Variants in RTL4 observed in about 807,000 individuals in gnomAD.
RTL4 encodes the protein retrotransposon Gag-like protein 4.
In RTL4, 4 loss-of-function variants were observed where a neutral mutation model predicts 5.3. The ratio of observed to expected loss-of-function variants is 0.75; its 90% CI spans 0.37 to 1.72. RTL4 has a LOEUF of 1.72. Ranked by LOEUF, RTL4 falls within the 40% of genes most tolerant of loss-of-function variation. RTL4 has a pLI of 0.04. For synonymous variants in RTL4, 98 were observed against 87.3 expected, an observed-to-expected ratio of 1.12 and a Z score of -0.68; for missense variants, 260 against 227.1, an observed-to-expected ratio of 1.14 and a Z score of -0.93.
At chrX:112,301,222 C>T in the RTL4 span, among the ~76,000 whole-genome samples, 1 of 111,624 alleles carries the variant, frequency 9.0e-6, no homozygotes, top group Admixed American at 9.5e-5. Context: ...AGAGGATGTG[C>T]CCTGTAATCT....
At chrX:112,350,353 TG>T in the RTL4 span, among the ~76,000 whole-genome samples, 1 of 108,601 alleles carries the variant, frequency 9.2e-6, no homozygotes, top group Non-Finnish European at 1.9e-5. Flanking sequence ...TGCCAGGCTT[TG>T]GTATCAGGAT....
the RTL4 span, among the ~76,000 whole-genome samples, chrX:112,312,825 A>C: frequency 9.0e-6 from 1 of 110,817 alleles, no homozygotes; most frequent in African/African-American, 3.3e-5. Flanking sequence ...TGTCTCCCCA[A>C]ACCTTTCTCA....
chrX:112,386,210 G>A, the RTL4 span, among the ~76,000 whole-genome samples: 7 of 111,596 alleles, frequency 6.3e-5, no homozygotes, highest in African/African-American at 9.8e-5. Context: ...GGTAAATGGC[G>A]TGTCCATTAC....
At chrX:112,119,010 ATT>A in the RTL4 span, among the ~76,000 whole-genome samples, 10,755 of 91,715 alleles carry the variant, frequency 0.12, 869 homozygotes, top group African/African-American at 0.28. Context: ...CACCCAGCTA[ATT>A]TTTTTTTTTT....
At chrX:112,116,075 G>T in the RTL4 span, among the ~76,000 whole-genome samples, 2 of 112,144 alleles carry the variant, frequency 1.8e-5, no homozygotes, top group African/African-American at 6.5e-5. Flanking sequence ...AGAGTCAGGG[G>T]TTGTTAGAGA....
the RTL4 span, among the ~76,000 whole-genome samples, chrX:112,234,197 A>T: frequency 9.1e-6 from 1 of 110,395 alleles, no homozygotes; most frequent in Non-Finnish European, 1.9e-5. Flanking sequence ...GTCTCAAAAA[A>T]ATTAAATTAA....
the RTL4 span, among the ~76,000 whole-genome samples, chrX:112,343,060 A>G: frequency 8.9e-6 from 1 of 111,778 alleles, no homozygotes; most frequent in Non-Finnish European, 1.9e-5. Flanking sequence ...CAGTGAGCCA[A>G]GATCGCACCA....
chrX:112,374,868 G>A, the RTL4 span, among the ~76,000 whole-genome samples: 1 of 111,381 alleles, frequency 9.0e-6, no homozygotes, highest in African/African-American at 3.3e-5. Flanking sequence ...GAATTGCCTA[G>A]CCACAGGTCT....
chrX:112,085,423 T>G, the RTL4 span, among the ~76,000 whole-genome samples: 14 of 112,577 alleles, frequency 1.2e-4, no homozygotes, highest in African/African-American at 4.5e-4. Context: ...AAATGGTATA[T>G]GTAGACCAGA....
the RTL4 span, among the ~76,000 whole-genome samples, chrX:112,429,219 T>C: frequency 1.2e-4 from 13 of 111,683 alleles, no homozygotes; most frequent in Non-Finnish European, 2.1e-4. Flanking sequence ...TGTTCTTTGT[T>C]TCCTCTTTTA....
At chrX:112,300,051 CTA>C in the RTL4 span, among the ~76,000 whole-genome samples, 1 of 111,726 alleles carries the variant, frequency 9.0e-6, no homozygotes, top group African/African-American at 3.2e-5. Context: ...ATTTTTGTAT[CTA>C]TATATTCTTT....
the RTL4 span, among the ~76,000 whole-genome samples, chrX:112,239,421 C>T: frequency 1.8e-5 from 2 of 111,365 alleles, no homozygotes; most frequent in South Asian, 3.9e-4. Flanking sequence ...TATTCCCACC[C>T]AGCAACCATG....
the RTL4 span, among the ~76,000 whole-genome samples, chrX:112,363,889 G>A: frequency 1.8e-5 from 2 of 111,230 alleles, no homozygotes; most frequent in Admixed American, 1.9e-4. Flanking sequence ...AGGCTGTGAT[G>A]TGGGGAGATT....
the RTL4 span, among the ~76,000 whole-genome samples, chrX:112,339,580 TA>T: frequency 2.0e-4 from 22 of 112,281 alleles, no homozygotes; most frequent in African/African-American, 7.1e-4. Context: ...TCCATGAAAA[TA>T]AGAACCATGT....
the RTL4 span, among the ~76,000 whole-genome samples, chrX:112,256,821 G>A: frequency 9.0e-6 from 1 of 111,466 alleles, no homozygotes; most frequent in Non-Finnish European, 1.9e-5. Context: ...CTTTTGAATT[G>A]TTTATTGCTG....
At chrX:112,192,125 C>T in the RTL4 span, among the ~76,000 whole-genome samples, 6,632 of 98,994 alleles carry the variant, frequency 0.067, 727 homozygotes, top group African/African-American at 0.24. Context: ...AAATATGCTG[C>T]ACTCATTTAG....
chrX:112,454,151 A>G (rs1248284038), upstream of RTL4, among the ~76,000 whole-genome samples: 5 of 112,254 alleles, frequency 4.5e-5, no homozygotes, highest in Non-Finnish European at 9.4e-5. Flanking sequence ...TTTGGCTTCC[A>G]TGGGCCACAT....
At chrX:112,391,404 TG>T in the RTL4 span, among the ~76,000 whole-genome samples, 3 of 111,645 alleles carry the variant, frequency 2.7e-5, no homozygotes, top group African/African-American at 9.8e-5. Flanking sequence ...TTTGAGTTAC[TG>T]GAGTTCTTGA....
the RTL4 span, among the ~76,000 whole-genome samples, chrX:112,128,381 G>C: frequency 9.0e-6 from 1 of 111,231 alleles, no homozygotes; most frequent in Non-Finnish European, 1.9e-5. Context: ...AATGAACTTG[G>C]GGCCCGGCGC....
Sources: gnomAD v4.1 joint callset for allele counts (sites outside exome capture counted in the v4.1 genomes callset) on GRCh38, gnomAD v4.1.1 for gene constraint, MANE v1.5 for transcripts, NCBI Gene and HGNC (gene_info 2026-07-23, HGNC 2026-07-21) for gene names.